EYA4: variants seen among roughly 807,000 people sequenced by gnomAD.
EYA4 encodes protein phosphatase EYA4.
In EYA4, 31 loss-of-function variants were observed where a neutral mutation model predicts 87.9. That is an observed-to-expected ratio of 0.35 (90% CI 0.27 to 0.48). The LOEUF is 0.48. Ranked by LOEUF, EYA4 falls within the 20% of genes least tolerant of loss-of-function variation. The pLI, the probability that EYA4 is intolerant of heterozygous loss-of-function variation, is 0.99. For synonymous variants in EYA4, 263 were observed against 270.6 expected (o/e 0.97, Z 0.28); for missense variants, 678 against 761.4 (o/e 0.89, Z 1.29).
intron 2 of EYA4, among the ~76,000 whole-genome samples, chr6:133,364,717 G>A (rs1784726108): frequency 1.3e-5 from 2 of 152,160 alleles, no homozygotes; most frequent in East Asian, 1.9e-4. Flanking sequence ...ACCTTTTATT[G>A]TAGAAGCCAG....
intron 3 of EYA4, among the ~76,000 whole-genome samples, chr6:133,419,733 C>T (rs563393240): frequency 1.4e-4 from 21 of 152,268 alleles, no homozygotes; most frequent in African/African-American, 4.8e-4. Context: ...AATTAAAAAA[C>T]AGTGCAACAC....
intron 2 of EYA4, among the ~76,000 whole-genome samples, chr6:133,341,558 T>C (rs1224907767): frequency 6.6e-6 from 1 of 152,134 alleles, no homozygotes; most frequent in Non-Finnish European, 1.5e-5. Context: ...GACTTCCAAA[T>C]AAGAATAGCC....
intron 2 of EYA4, among the ~76,000 whole-genome samples, chr6:133,275,056 T>A (rs2128269266): frequency 6.6e-6 from 1 of 152,298 alleles, no homozygotes; most frequent in South Asian, 2.1e-4. Flanking sequence ...GTGGAAAGAC[T>A]AAGGCATTGA....
intron 2 of EYA4, among the ~76,000 whole-genome samples, chr6:133,298,028 C>CT (rs147397977): frequency 0.15 from 22,643 of 152,036 alleles, 1,725 homozygotes; most frequent in Non-Finnish European, 0.17. Flanking sequence ...TATTAGTTGC[C>CT]TTTTTTTCTG....
intron 10 of EYA4, among the ~76,000 whole-genome samples, chr6:133,465,727 A>G (rs1366397630): frequency 6.6e-6 from 1 of 152,162 alleles, no homozygotes; most frequent in African/African-American, 2.4e-5. Context: ...ACACTTATAT[A>G]TTCTAAAATG....
intron 2 of EYA4, among the ~76,000 whole-genome samples, chr6:133,327,900 G>A (rs762758427): frequency 1.3e-5 from 2 of 152,122 alleles, no homozygotes; most frequent in Non-Finnish European, 2.9e-5. Flanking sequence ...TAGTATAAGC[G>A]AAATGGAAAA....
intron 2 of EYA4, among the ~76,000 whole-genome samples, chr6:133,282,367 T>G (rs1777694775): frequency 6.6e-6 from 1 of 152,228 alleles, no homozygotes; most frequent in Non-Finnish European, 1.5e-5. Flanking sequence ...TGTTCATGTT[T>G]GTTGGCCGCT....
At chr6:133,387,072 G>A (rs1002545181) in intron 3 of EYA4, among the ~76,000 whole-genome samples, 19 of 152,098 alleles carry the variant, frequency 1.2e-4, no homozygotes, top group African/African-American at 4.6e-4. Flanking sequence ...ATTGGAATTA[G>A]TTTCAGTTTA....
At chr6:133,384,412 A>G (rs994784228) in intron 3 of EYA4, among the ~76,000 whole-genome samples, 1 of 152,242 alleles carries the variant, frequency 6.6e-6, no homozygotes, top group Non-Finnish European at 1.5e-5. Flanking sequence ...ATCAGCAGTT[A>G]GTTGCTGTGG....
chr6:133,281,729 A>G (rs1424569445), intron 2 of EYA4, among the ~76,000 whole-genome samples: 2 of 152,152 alleles, frequency 1.3e-5, no homozygotes, highest in Non-Finnish European at 2.9e-5. Context: ...GGTAGTGAGA[A>G]TAATACCCAA....
intron 19 of EYA4, among the ~76,000 whole-genome samples, chr6:133,526,186 A>G (rs1800619292): frequency 6.6e-6 from 1 of 152,206 alleles, no homozygotes; most frequent in African/African-American, 2.4e-5. Flanking sequence ...CGAATGATAG[A>G]AAAATATCAT....
At position 133,281,629 on chromosome 6, in the gene EYA4, A is replaced by C. The variant is rs201975815; in HGVS notation, c.33+6816A>C. Among the ~76,000 whole-genome samples, 3 of 129,240 alleles carry C rather than the reference A, an allele frequency of 2.3e-5. No individual in the cohort carries two copies. In the East Asian group the frequency reaches 7.6e-4, roughly 33 times the overall value. 84.8% of individuals were successfully genotyped at this position (129,240 alleles called of 152,430 possible). ...AAGATTTTTTTTTAAACTTCAACTT[A>C]GTTTAGATTTCAGGGGTACGTGTGC... On this transcript the variant is annotated intron_variant, in intron 2 of 19. Transcript: ENST00000355286.
chr6:133,371,587 T>C (rs1182282018), intron 2 of EYA4, among the ~76,000 whole-genome samples: 1 of 152,150 alleles, frequency 6.6e-6, no homozygotes, highest in Non-Finnish European at 1.5e-5. Context: ...AGGCCAATTT[T>C]TTATCTCTAC....
At chr6:133,395,377 T>C (rs1175418120) in intron 3 of EYA4, among the ~76,000 whole-genome samples, 2 of 152,110 alleles carry the variant, frequency 1.3e-5, no homozygotes, top group African/African-American at 4.8e-5. Context: ...AAGTGGCAAG[T>C]TCTTCAAGTC....
intron 4 of EYA4, among the ~76,000 whole-genome samples, chr6:133,447,269 T>C (rs1792943258): frequency 6.6e-6 from 1 of 152,224 alleles, no homozygotes; most frequent in African/African-American, 2.4e-5. Flanking sequence ...TAACATTTAT[T>C]TAAAAAGGAA....
chr6:133,473,381 A>G (rs1049448117), intron 11 of EYA4, among the ~76,000 whole-genome samples: 28 of 152,116 alleles, frequency 1.8e-4, no homozygotes, highest in Non-Finnish European at 3.2e-4. Context: ...CAGGACAAAT[A>G]TCAAGCAAGT....
chr6:133,393,297 G>C (rs759915504), intron 3 of EYA4, among the ~76,000 whole-genome samples: 3 of 152,052 alleles, frequency 2.0e-5, no homozygotes, highest in Non-Finnish European at 2.9e-5. Context: ...CCCCCTTAAA[G>C]GTACTATTTA....
At chr6:133,338,272 A>G (rs1220068901) in intron 2 of EYA4, among the ~76,000 whole-genome samples, 2 of 152,196 alleles carry the variant, frequency 1.3e-5, no homozygotes, top group Non-Finnish European at 2.9e-5. Context: ...TTTAATGAGT[A>G]AATAGAAAAA....
At chr6:133,405,791 G>A (rs900601841) in intron 3 of EYA4, among the ~76,000 whole-genome samples, 1 of 152,062 alleles carries the variant, frequency 6.6e-6, no homozygotes. Context: ...TGAATGGGGG[G>A]AAGGGGGTGA....
Sources: allele counts gnomAD v4.1 joint callset (sites outside exome capture counted in the v4.1 genomes callset), GRCh38; gene constraint gnomAD v4.1.1; transcripts MANE v1.5; gene names NCBI Gene and HGNC (gene_info 2026-07-23, HGNC 2026-07-21).